TNS1: variants seen among roughly 807,000 people sequenced by gnomAD.
The protein encoded by TNS1 is tensin-1.
Under a neutral mutation model 168.6 loss-of-function variants are expected in TNS1, and 62 were observed. The ratio of observed to expected loss-of-function variants is 0.37; its 90% CI spans 0.30 to 0.45. TNS1 has a LOEUF of 0.45. Among genes scored for constraint, TNS1 ranks in the 20% least tolerant of loss-of-function variants. The pLI, the probability that TNS1 is intolerant of heterozygous loss-of-function variation, is 1.00. For synonymous variants in TNS1, 934 were observed against 933.2 expected, an observed-to-expected ratio of 1.00 and a Z score of -0.02; for missense variants, 2,240 against 2,339.4, an observed-to-expected ratio of 0.96 and a Z score of 0.88.
chr2:217,854,236 T>TA (rs1177649465), intron 18 of TNS1, among the ~76,000 whole-genome samples: 3 of 152,064 alleles, frequency 2.0e-5, no homozygotes, highest in Non-Finnish European at 4.4e-5. Context: ...TCATGAAAAG[T>TA]AGGGAGGTTT....
intron 32 of TNS1, among the ~76,000 whole-genome samples, chr2:217,805,543 C>CA (rs1559132361): frequency 0.015 from 17 of 1,120 alleles, no homozygotes; most frequent in Non-Finnish European, 0.024. Flanking sequence ...ACCACACACA[C>CA]CACCACACAC....
intron 2 of TNS1, among the ~76,000 whole-genome samples, chr2:217,987,982 A>C (rs896350307): frequency 1.3e-5 from 2 of 152,192 alleles, no homozygotes; most frequent in African/African-American, 4.8e-5. Context: ...CAGTGAACCC[A>C]GTAGCCCCAG....
chr2:217,921,735 C>T (rs528718244), intron 3 of TNS1, among the ~76,000 whole-genome samples: 55 of 152,150 alleles, frequency 3.6e-4, no homozygotes, highest in Admixed American at 2.6e-3. Context: ...AACAGGGGGC[C>T]GAACAGAACC....
At chr2:217,839,715 C>T (rs1265518884) in intron 19 of TNS1, among the ~76,000 whole-genome samples, 3 of 152,208 alleles carry the variant, frequency 2.0e-5, no homozygotes, top group Non-Finnish European at 4.4e-5. Flanking sequence ...GATGTGCCTC[C>T]TCTGCACCCC....
intron 1 of TNS1, among the ~76,000 whole-genome samples, chr2:218,030,004 C>T (rs1958879460): frequency 6.6e-6 from 1 of 152,168 alleles, no homozygotes; most frequent in Non-Finnish European, 1.5e-5. Flanking sequence ...AAGCCATCTC[C>T]ATGTCCAGTC....
At chr2:217,939,520 G>A (rs1575118576) in intron 3 of TNS1, among the ~76,000 whole-genome samples, 1 of 152,346 alleles carries the variant, frequency 6.6e-6, no homozygotes, top group Middle Eastern at 3.4e-3. Flanking sequence ...ACAGAACGCT[G>A]TGGGGTCCCA....
chr2:217,945,396 C>T (rs904775747), intron 3 of TNS1, among the ~76,000 whole-genome samples: 64 of 152,184 alleles, frequency 4.2e-4, no homozygotes, highest in Non-Finnish European at 1.0e-4. Context: ...ATGGCCAGTA[C>T]TTTGGAGGGC....
intron 3 of TNS1, among the ~76,000 whole-genome samples, chr2:217,938,197 C>T (rs1049348602): frequency 7.2e-5 from 11 of 152,182 alleles, no homozygotes; most frequent in Admixed American, 2.6e-4. Flanking sequence ...TGCAACTGGG[C>T]GGGCCAGGGG....
intron 6 of TNS1, among the ~76,000 whole-genome samples, chr2:217,903,391 A>G (rs756808001): frequency 6.6e-6 from 1 of 152,190 alleles, no homozygotes. Flanking sequence ...TGGAGCCCCT[A>G]GGGAAAACGA....
intron 18 of TNS1, among the ~76,000 whole-genome samples, chr2:217,855,151 G>A (rs142341239): frequency 5.8e-4 from 89 of 152,200 alleles, no homozygotes; most frequent in Non-Finnish European, 1.0e-3. Flanking sequence ...CCCCCACGCT[G>A]GAAATGTCAG....
chr2:217,892,877 T>C lies in TNS1; in HGVS notation c.782+71A>G. On this transcript the variant is annotated intron_variant, in intron 11 of 32. Coordinates refer to ENST00000682258, the MANE Select transcript of TNS1 (RefSeq NM_001387777.1). ...CCCTCACTCCAGGGAGCAGAGAGGC[T>C]GTGGGTGGATGAGAGGAGGGGGGTC... The C allele has an allele frequency of 2.6e-6, 4 of 1,514,106 alleles. No homozygotes were observed. In the Admixed American group the frequency reaches 5.0e-5, roughly 19 times the overall value. The allele number at this position is 1,514,106 out of a possible 1,614,324, so 93.8% of individuals were successfully genotyped here. A position where few individuals can be genotyped will look rare whatever the true frequency, so the allele number is the denominator to read the frequency against.
chr2:217,968,034 G>A (rs546149675), intron 3 of TNS1, among the ~76,000 whole-genome samples: 1 of 152,188 alleles, frequency 6.6e-6, no homozygotes, highest in South Asian at 2.1e-4. Flanking sequence ...TGTATCAATA[G>A]ACTAAAAAAA....
At chr2:217,826,604 T>C (rs7582112) in intron 22 of TNS1, among the ~76,000 whole-genome samples, 40,950 of 152,040 alleles carry the variant, frequency 0.27, 6,251 homozygotes, top group African/African-American at 0.38. Flanking sequence ...TGCTGCTGCC[T>C]CCGCTGCTCC....
chr2:217,872,751 G>T (rs190363255), intron 18 of TNS1, among the ~76,000 whole-genome samples: 3,446 of 152,290 alleles, frequency 0.023, 134 homozygotes, highest in African/African-American at 0.077. Context: ...GTTGACAGCA[G>T]CATTCTTCAC....
At chr2:218,002,450 A>G (rs1350686873) in intron 1 of TNS1, among the ~76,000 whole-genome samples, 1 of 152,072 alleles carries the variant, frequency 6.6e-6, no homozygotes, top group Non-Finnish European at 1.5e-5. Context: ...CCTCCTCAAG[A>G]TCTTGGGCTC....
At chr2:217,816,617 C>A (rs4674216) in intron 24 of TNS1, among the ~76,000 whole-genome samples, 2 of 151,964 alleles carry the variant, frequency 1.3e-5, no homozygotes, top group Non-Finnish European at 2.9e-5. Flanking sequence ...CTGTCAGAGG[C>A]GGCTGCAGTC....
chr2:217,906,809 C>T (rs1175542652), intron 5 of TNS1, among the ~76,000 whole-genome samples: 4 of 152,192 alleles, frequency 2.6e-5, no homozygotes, highest in Non-Finnish European at 5.9e-5. Context: ...CTACTTTCCT[C>T]CCTTCATCTT....
intron 3 of TNS1, among the ~76,000 whole-genome samples, chr2:217,923,794 C>G (rs114952420): frequency 0.022 from 3,282 of 152,324 alleles, 116 homozygotes; most frequent in African/African-American, 0.074. Flanking sequence ...AGCACTGCAG[C>G]AGAGCAGTCT....
At chr2:218,031,373 T>C (rs1181552401) in intron 1 of TNS1, among the ~76,000 whole-genome samples, 1 of 150,922 alleles carries the variant, frequency 6.6e-6, no homozygotes, top group Non-Finnish European at 1.5e-5. Flanking sequence ...TGTGAGCATG[T>C]CTGTGTGTGT....
Sources: gnomAD v4.1 joint callset for allele counts (sites outside exome capture counted in the v4.1 genomes callset) on GRCh38, gnomAD v4.1.1 for gene constraint, MANE v1.5 for transcripts, NCBI Gene and HGNC (gene_info 2026-07-23, HGNC 2026-07-21) for gene names.